Variants in ADGB observed in about 807,000 individuals in gnomAD.
ADGB encodes calpain-7-like protein.
A neutral mutation model predicts 210.5 loss-of-function variants in ADGB; 172 were observed. The observed-to-expected ratio is 0.82, with a 90% confidence interval of 0.72 to 0.93. The LOEUF is 0.93. ADGB is among the 40% of genes least tolerant of loss of function. The pLI is 0.00. For synonymous variants in ADGB, 658 were observed against 662.7 expected (o/e 0.99, Z 0.11); for missense variants, 2,025 against 1,964.8 (o/e 1.03, Z -0.58).
chr6:146,801,106 T>G, intron 33 of ADGB, 77 bp from the exon 34 acceptor site: 82 of 654,372 alleles, frequency 1.3e-4, no homozygotes, highest in Non-Finnish European at 1.7e-4. Context: ...CCAATTAAAA[T>G]GAGATATAGT....
chr6:146,645,357 A>C (rs1775592664), intron 3 of ADGB, among the ~76,000 whole-genome samples: 1 of 152,018 alleles, frequency 6.6e-6, no homozygotes, highest in Non-Finnish European at 1.5e-5. Flanking sequence ...AATCATATTG[A>C]CTGGAATGTC....
rs1313964711 is a variant in ADGB at position 146,769,230 on chromosome 6, TATG to T, written c.3862+103_3862+105del. The T allele has an allele frequency of 5.1e-6, 3 of 583,178 alleles. No homozygotes were observed. In the African/African-American group the frequency reaches 5.5e-5, roughly 11 times the overall value. The allele number at this position is 583,178 out of a possible 1,614,324, so 36.1% of individuals were successfully genotyped here. A position where few individuals can be genotyped will look rare whatever the true frequency, so the allele number is the denominator to read the frequency against. On this transcript the variant is annotated intron_variant, in intron 29 of 35. Transcript: ENST00000397944. ...TGATTTAGTCATGAAAATATCATTG[TATG>T]ATGTTTTATTACACATTATAATTTG...
chr6:146,604,095 T>C (rs1202760875), intron 1 of ADGB, among the ~76,000 whole-genome samples: 1 of 152,224 alleles, frequency 6.6e-6, no homozygotes, highest in Non-Finnish European at 1.5e-5. Context: ...TTTCCCCAGG[T>C]GACCTGTGTG....
chr6:146,654,368 T>G (rs2114882888), intron 4 of ADGB, among the ~76,000 whole-genome samples, 162 bp downstream of exon 4: 1 of 151,844 alleles, frequency 6.6e-6, no homozygotes, highest in Middle Eastern at 3.5e-3. Context: ...GGGGTGGGTG[T>G]TTGAGACAGA....
At chr6:146,716,563 G>A (rs946186909) in intron 14 of ADGB, among the ~76,000 whole-genome samples, 3 of 102,448 alleles carry the variant, frequency 2.9e-5, no homozygotes, top group African/African-American at 2.1e-4. Flanking sequence ...ACTGCAGTCC[G>A]CAGTCCCACC....
At chr6:146,692,739 A>T (rs2114924513) in intron 11 of ADGB, 86 bp from the exon 12 acceptor site, 4 of 675,806 alleles carry the variant, frequency 5.9e-6, no homozygotes, top group African/African-American at 3.6e-5. Flanking sequence ...TAATCTATCC[A>T]GCACTGTATT....
At chr6:146,602,942 G>A (rs938404552) in intron 1 of ADGB, among the ~76,000 whole-genome samples, 2 of 152,188 alleles carry the variant, frequency 1.3e-5, no homozygotes, top group Non-Finnish European at 2.9e-5. Flanking sequence ...TGCCAAAAAG[G>A]TTGGGGATGG....
chr6:146,701,780 T>C (rs992795020), intron 13 of ADGB, among the ~76,000 whole-genome samples: 5 of 152,076 alleles, frequency 3.3e-5, no homozygotes, highest in African/African-American at 1.2e-4. Context: ...TATTTGGTGG[T>C]TGAATGACTA....
chr6:146,765,860 AG>A (rs1475522576), intron 28 of ADGB, among the ~76,000 whole-genome samples: 1 of 151,952 alleles, frequency 6.6e-6, no homozygotes, highest in African/African-American at 2.4e-5. Flanking sequence ...CAAAGATAAA[AG>A]AAAGGATTTT....
chr6:146,650,002 A>T (rs1027300487), intron 3 of ADGB, among the ~76,000 whole-genome samples: 2 of 152,288 alleles, frequency 1.3e-5, no homozygotes, highest in Admixed American at 1.3e-4. Context: ...CAAAGATCCA[A>T]TAGTTTTTAT....
intron 6 of ADGB, among the ~76,000 whole-genome samples, chr6:146,666,352 C>T (rs73004162): frequency 0.021 from 3,264 of 152,062 alleles, 61 homozygotes; most frequent in Admixed American, 0.053. Context: ...TTTCTGGTTT[C>T]TCCACAGTTA....
intron 5 of ADGB, among the ~76,000 whole-genome samples, chr6:146,657,277 G>T (rs1310553766): frequency 6.7e-6 from 1 of 149,546 alleles, no homozygotes; most frequent in African/African-American, 2.5e-5. Context: ...GTGAGTTAAG[G>T]TCTCACCATT....
At chr6:146,690,424 G>A (rs1485947449) in intron 10 of ADGB, among the ~76,000 whole-genome samples, 2 of 152,208 alleles carry the variant, frequency 1.3e-5, no homozygotes, top group Middle Eastern at 3.4e-3. Context: ...ATCAGAATTT[G>A]GCTATAGTGT....
chr6:146,617,371 A>G (rs900292507), intron 1 of ADGB, among the ~76,000 whole-genome samples: 37 of 152,080 alleles, frequency 2.4e-4, no homozygotes, highest in African/African-American at 8.2e-4. Context: ...ACATAAGATC[A>G]TGTCACCTGG....
intron 35 of ADGB, among the ~76,000 whole-genome samples, chr6:146,805,898 A>G (rs1413503873): frequency 6.6e-6 from 1 of 152,202 alleles, no homozygotes; most frequent in East Asian, 1.9e-4. Flanking sequence ...ATATATTATA[A>G]ATACTATGCT....
intron 30 of ADGB, 27 bp downstream of exon 30, chr6:146,782,219 G>C: frequency 6.7e-7 from 1 of 1,490,588 alleles, no homozygotes; most frequent in Non-Finnish European, 8.9e-7. Context: ...TTTTATTTGA[G>C]TGACTTAATG....
At chr6:146,809,407 G>C (rs180976930) in intron 35 of ADGB, among the ~76,000 whole-genome samples, 3 of 152,044 alleles carry the variant, frequency 2.0e-5, no homozygotes, top group Non-Finnish European at 2.9e-5. Flanking sequence ...GGTTTCACCA[G>C]GTCGACCAGG....
At chr6:146,614,269 A>T (rs1179146329) in intron 1 of ADGB, among the ~76,000 whole-genome samples, 1 of 142,998 alleles carries the variant, frequency 7.0e-6, no homozygotes, top group East Asian at 2.1e-4. Context: ...TTGATATAAC[A>T]TTGATATACA....
At chr6:146,813,125 T>C (rs534372527) in intron 35 of ADGB, among the ~76,000 whole-genome samples, 5 of 152,232 alleles carry the variant, frequency 3.3e-5, no homozygotes, top group Non-Finnish European at 1.5e-5. Context: ...TAAGCCCCTG[T>C]TTACTAGATT....
Sources: gnomAD v4.1 joint callset for allele counts (sites outside exome capture counted in the v4.1 genomes callset) on GRCh38, gnomAD v4.1.1 for gene constraint, MANE v1.5 for transcripts, NCBI Gene and HGNC (gene_info 2026-07-23, HGNC 2026-07-21) for gene names.